The following PCMTD1 variants were observed in gnomAD, a reference collection of about 807,000 sequenced individuals.
PCMTD1 encodes the protein protein-L-isoaspartate (D-aspartate) O-methyltransferase domain containing 1.
PCMTD1 carries 12 observed loss-of-function variants against 37.6 expected under a neutral mutation model. The observed-to-expected ratio is 0.32, with a 90% CI of 0.20 to 0.52. PCMTD1 has a LOEUF of 0.52. PCMTD1 is among the 20% of genes least tolerant of loss of function. The pLI is 0.97. For synonymous variants in PCMTD1, 117 were observed against 135.8 expected (o/e 0.86, Z 0.96); for missense variants, 235 against 421.3 (o/e 0.56, Z 3.87).
At chr8:51,880,094 G>A (rs1000196532) in intron 1 of PCMTD1, among the ~76,000 whole-genome samples, 12 of 152,098 alleles carry the variant, frequency 7.9e-5, no homozygotes, top group Middle Eastern at 3.4e-3. Flanking sequence ...CAGCTACTCA[G>A]GAGGTTGAGG....
In PCMTD1 at chr8:51,879,820, C is replaced by A. The variant is rs1028304939; in HGVS notation, c.-95-18574G>T. Among the ~76,000 whole-genome samples the A allele has an allele frequency of 1.6e-4, 24 of 152,206 alleles. No individual in the cohort carries two copies. In the East Asian group the frequency reaches 4.6e-3, roughly 29 times the overall value. On this transcript the variant is annotated intron_variant, in intron 1 of 5. Coordinates refer to ENST00000522514, the MANE Select transcript of PCMTD1 (RefSeq NM_052937.4). ...ACCAAACTGGGGGAAAAAATTGCAA[C>A]ATGTGGCAAAGGGTTGATAGCCAAA...
intron 1 of PCMTD1, among the ~76,000 whole-genome samples, chr8:51,886,833 G>A (rs2038871239): frequency 6.6e-6 from 1 of 152,200 alleles, no homozygotes; most frequent in African/African-American, 2.4e-5. Context: ...CTGGAGGTCA[G>A]AAGTCTGACA....
At chr8:51,854,982 C>T (rs1339304696) in intron 2 of PCMTD1, among the ~76,000 whole-genome samples, 1 of 150,660 alleles carries the variant, frequency 6.6e-6, no homozygotes, top group Non-Finnish European at 1.5e-5. Context: ...CGAGACGAGC[C>T]TGACCAACAT....
chr8:51,856,804 C>G (rs763096779), intron 2 of PCMTD1, among the ~76,000 whole-genome samples: 5 of 152,088 alleles, frequency 3.3e-5, no homozygotes, highest in Non-Finnish European at 7.4e-5. Flanking sequence ...CCAGAAAGGA[C>G]AAATCTATAC....
intron 5 of PCMTD1, 40 bp downstream of exon 5, chr8:51,831,404 T>C: frequency 6.3e-7 from 1 of 1,593,866 alleles, no homozygotes; most frequent in East Asian, 2.2e-5. Context: ...CCAAACACCA[T>C]AAGTCATAAT....
intron 2 of PCMTD1, chr8:51,849,929 A>C: frequency 1.6e-6 from 1 of 632,950 alleles, no homozygotes; most frequent in South Asian, 1.9e-5. Context: ...AGAGTTCCAC[A>C]CTGCATTTGA....
intron 1 of PCMTD1, among the ~76,000 whole-genome samples, chr8:51,888,912 A>G (rs2038900695): frequency 6.6e-6 from 1 of 152,204 alleles, no homozygotes; most frequent in African/African-American, 2.4e-5. Flanking sequence ...CAACACACAC[A>G]GTAAAAGCAT....
At position 51,833,650 on chromosome 8, in the gene PCMTD1, G is replaced by A. The variant is rs1220889853; in HGVS notation, c.450C>T (p.Cys150=). 1.9e-6 allele frequency: 3 copies of A among 1,610,970 alleles called. No homozygotes were observed. The highest frequency in any genetic ancestry group is 1.3e-5 in the African/African-American group (1 of 74,860). ...FCEPAFVVGN[C]LQIASDSHQY... ...GATGACTGTCAGAAGCTATCTGGAG[G>A]CAATTACCAACAACAAATGCAGGTT... Residue 150 remains cysteine (C), a synonymous_variant, in exon 4 of 6, where the codon TGC becomes TGT. Transcript: ENST00000522514.
At chr8:51,890,548 G>A (rs1325955137) in intron 1 of PCMTD1, among the ~76,000 whole-genome samples, 1 of 152,134 alleles carries the variant, frequency 6.6e-6, no homozygotes, top group Non-Finnish European at 1.5e-5. Context: ...TTTGAGCTAT[G>A]ACATTTCTAA....
chr8:51,829,279 AT>A (rs2037966244), intron 5 of PCMTD1, among the ~76,000 whole-genome samples: 1 of 152,212 alleles, frequency 6.6e-6, no homozygotes, highest in African/African-American at 2.4e-5. Flanking sequence ...AGAAACATTT[AT>A]GCCACTAACA....
chr8:51,878,265 T>TTTTTC (rs1477350533), intron 1 of PCMTD1, among the ~76,000 whole-genome samples: 1 of 150,784 alleles, frequency 6.6e-6, no homozygotes, highest in Non-Finnish European at 1.5e-5. Flanking sequence ...TTTTTTTTTT[T>TTTTTC]AGCTCATCAG....
At chr8:51,842,425 C>T (rs2038160856) in intron 3 of PCMTD1, among the ~76,000 whole-genome samples, 1 of 152,068 alleles carries the variant, frequency 6.6e-6, no homozygotes, top group Admixed American at 6.6e-5. Context: ...CTGCATCCTC[C>T]CACCTCAGCC....
intron 2 of PCMTD1, among the ~76,000 whole-genome samples, chr8:51,860,236 C>T (rs557003659): frequency 4.6e-5 from 7 of 152,336 alleles, no homozygotes; most frequent in African/African-American, 1.7e-4. Flanking sequence ...AGTTAATACA[C>T]ACATACTGCT....
chr8:51,893,311 G>GT (rs1410754380), intron 1 of PCMTD1, among the ~76,000 whole-genome samples: 1 of 152,132 alleles, frequency 6.6e-6, no homozygotes, highest in East Asian at 1.9e-4. Context: ...AGAAAAAACT[G>GT]TAACTTCTGC....
In PCMTD1 at chr8:51,864,346, TATC is replaced by T. The variant is rs962526637; in HGVS notation, c.-95-3103_-95-3101del. ...CAAACTCCACGTTCAACAATGGACA[TATC>T]ATCCAGACAGAAACAGTGGACTTGA... On this transcript the variant is annotated intron_variant, in intron 1 of 5. Transcript: ENST00000522514. 1.2e-4 allele frequency among the ~76,000 whole-genome samples: 19 copies of T among 152,152 alleles called. 2 individuals are homozygous for T. Among genetic ancestry groups the T allele is most frequent in the Admixed American group, 1.2e-3 (18 of 15,286 alleles).
chr8:51,886,919 G>C (rs1049723905), intron 1 of PCMTD1, among the ~76,000 whole-genome samples: 1 of 151,994 alleles, frequency 6.6e-6, no homozygotes, highest in Admixed American at 6.5e-5. Context: ...AGGTTCTTTA[G>C]GAGAAATCTG....
At chr8:51,843,207 A>G (rs1313893945) in intron 3 of PCMTD1, among the ~76,000 whole-genome samples, 2 of 151,968 alleles carry the variant, frequency 1.3e-5, no homozygotes, top group East Asian at 1.9e-4. Context: ...CCAGCCACTC[A>G]TTATGCAAAA....
chr8:51,896,048 C>T (rs71513561), intron 1 of PCMTD1: 27,069 of 149,304 alleles, frequency 0.18, 2,839 homozygotes, highest in Non-Finnish European at 0.23. Context: ...CAGGTTCAAG[C>T]GACTCTCCTG....
intron 3 of PCMTD1, among the ~76,000 whole-genome samples, chr8:51,842,850 T>TTC (rs1423864460): frequency 1.3e-5 from 2 of 152,258 alleles, no homozygotes; most frequent in Non-Finnish European, 2.9e-5. Flanking sequence ...GGAAGAATAT[T>TTC]AGGTTTCAGC....
Sources: gnomAD v4.1 joint callset for allele counts (sites outside exome capture counted in the v4.1 genomes callset) on GRCh38, gnomAD v4.1.1 for gene constraint, MANE v1.5 for transcripts, NCBI Gene and HGNC (gene_info 2026-07-23, HGNC 2026-07-21) for gene names.